Variants in LRRC8D observed in about 807,000 individuals in gnomAD.
The protein encoded by LRRC8D is leucine rich repeat containing 8 VRAC subunit D.
Under a neutral mutation model 55.8 loss-of-function variants are expected in LRRC8D, and 20 were observed. The ratio of observed to expected loss-of-function variants is 0.36; its 90% CI spans 0.25 to 0.52. The LOEUF is 0.52. LRRC8D is among the 20% of genes least tolerant of loss of function. The pLI, the probability that LRRC8D is intolerant of heterozygous loss-of-function variation, is 0.93. For synonymous variants in LRRC8D, 352 were observed against 377.0 expected (o/e 0.93, Z 0.77); for missense variants, 651 against 1,030.8 (o/e 0.63, Z 5.05).
At chr1:89,831,498 CT>C (rs1660885111) in intron 1 of LRRC8D, among the ~76,000 whole-genome samples, 1 of 151,890 alleles carries the variant, frequency 6.6e-6, no homozygotes, top group Non-Finnish European at 1.5e-5. Context: ...GTAAGAGCCA[CT>C]TGGAGTTGAG....
At chr1:89,843,393 G>C in intron 1 of LRRC8D, 1 of 318,786 alleles carries the variant, frequency 3.1e-6, no homozygotes, top group Admixed American at 5.1e-5. Flanking sequence ...GCGAGCGGGC[G>C]GGCGGGTGGC....
intron 1 of LRRC8D, among the ~76,000 whole-genome samples, chr1:89,822,641 T>C (rs1326709921): frequency 6.6e-6 from 1 of 152,150 alleles, no homozygotes; most frequent in Non-Finnish European, 1.5e-5. Context: ...TGATGAGGGC[T>C]GTCTACCTTA....
intron 2 of LRRC8D, among the ~76,000 whole-genome samples, chr1:89,902,392 T>C (rs1227256924): frequency 6.6e-6 from 1 of 152,224 alleles, no homozygotes; most frequent in Non-Finnish European, 1.5e-5. Flanking sequence ...ACTCAGGCAT[T>C]CTCTCTGTGT....
intron 2 of LRRC8D, among the ~76,000 whole-genome samples, chr1:89,893,980 TAA>T (rs1163639473): frequency 6.6e-6 from 1 of 152,254 alleles, no homozygotes; most frequent in Non-Finnish European, 1.5e-5. Context: ...TGTTATGGAC[TAA>T]GTGTTTATGT....
intron 2 of LRRC8D, among the ~76,000 whole-genome samples, chr1:89,855,107 C>T (rs575309211): frequency 1.7e-4 from 26 of 152,268 alleles, no homozygotes; most frequent in African/African-American, 6.3e-4. Flanking sequence ...TCATTTCTCA[C>T]TCTTTGTTAA....
chr1:89,935,456 G>A lies in LRRC8D; in HGVS notation c.2388G>A (p.Gln796=). 1.2e-6 allele frequency: 2 copies of A among 1,614,248 alleles called. No individual in the cohort carries two copies. The highest frequency in any genetic ancestry group is 1.7e-6 in the Non-Finnish European group (2 of 1,180,044). ...CCTCACTCCCAGAGAAAGTTGGTCA[G>A]CTCTCCCAGCTCACTCAGCTGGAGC... is the stretch of plus-strand genomic sequence containing the variant. The part of the protein sequence containing the change: ...CITSLPEKVG[Q]LSQLTQLELK... Residue 796 remains glutamine (Q), a synonymous_variant, in exon 3 of 3, where the codon CAG becomes CAA. Transcript: ENST00000337338.
At chr1:89,913,001 A>G (rs765608913) in intron 2 of LRRC8D, among the ~76,000 whole-genome samples, 4 of 152,244 alleles carry the variant, frequency 2.6e-5, no homozygotes, top group Non-Finnish European at 5.9e-5. Flanking sequence ...AGAACAGTCC[A>G]GATATGAGCA....
Position 89,863,893 on chromosome 1 carries a change from T to A in LRRC8D, c.-3+20111T>A, listed in dbSNP as rs938063063. On this transcript the variant is annotated intron_variant, in intron 2 of 2. Transcript: ENST00000337338. The stretch of plus-strand genomic sequence containing the variant: ...CCAGGGTTGTTTGTTCTTAGAAAAT[T>A]GTGAATTTGCATGGAGAGGTTTTAT... Among the ~76,000 whole-genome samples, 79 of 152,244 alleles carry A rather than the reference T, an allele frequency of 5.2e-4. 2 individuals are homozygous for A. Among genetic ancestry groups the A allele is most frequent in the Admixed American group, 4.9e-3 (75 of 15,286 alleles).
chr1:89,873,685 T>G (rs1030646262), intron 2 of LRRC8D, among the ~76,000 whole-genome samples: 1 of 152,236 alleles, frequency 6.6e-6, no homozygotes. Flanking sequence ...TGAATCAAAT[T>G]TATGGCATGT....
At chr1:89,889,860 G>A (rs564138229) in intron 2 of LRRC8D, among the ~76,000 whole-genome samples, 55 of 150,962 alleles carry the variant, frequency 3.6e-4, no homozygotes, top group Non-Finnish European at 1.0e-4. Context: ...TTCAGCCTGG[G>A]TAATAGAGTG....
chr1:89,919,116 C>G (rs1318228760), intron 2 of LRRC8D, among the ~76,000 whole-genome samples: 1 of 152,220 alleles, frequency 6.6e-6, no homozygotes, highest in African/African-American at 2.4e-5. Context: ...GCATTCATTT[C>G]TGGTCTTACT....
chr1:89,887,492 T>C (rs1443614107), intron 2 of LRRC8D, among the ~76,000 whole-genome samples: 1 of 152,194 alleles, frequency 6.6e-6, no homozygotes, highest in East Asian at 1.9e-4. Context: ...ATTGTCCTGG[T>C]AATAGTTTTT....
chr1:89,837,885 A>G (rs1418976956), intron 1 of LRRC8D, among the ~76,000 whole-genome samples: 1 of 152,212 alleles, frequency 6.6e-6, no homozygotes, highest in Admixed American at 6.5e-5. Context: ...TTCTTCGTGT[A>G]GACTCCATTA....
At chr1:89,892,664 G>A (rs1010117352) in intron 2 of LRRC8D, among the ~76,000 whole-genome samples, 3 of 152,068 alleles carry the variant, frequency 2.0e-5, no homozygotes, top group African/African-American at 2.4e-5. Context: ...GGCTATAGGC[G>A]CCCGCCAACA....
intron 1 of LRRC8D, among the ~76,000 whole-genome samples, chr1:89,835,238 G>T (rs1354506739): frequency 6.6e-6 from 1 of 152,188 alleles, no homozygotes; most frequent in Non-Finnish European, 1.5e-5. Flanking sequence ...GTGAGGGAAG[G>T]GTTCTAGAGG....
chr1:89,859,699 G>T (rs1570830118), intron 2 of LRRC8D, among the ~76,000 whole-genome samples: 1 of 152,132 alleles, frequency 6.6e-6, no homozygotes, highest in African/African-American at 2.4e-5. Context: ...TTTTCTACTT[G>T]CCTTTTCATC....
chr1:89,874,345 A>G (rs1369158583), intron 2 of LRRC8D, among the ~76,000 whole-genome samples: 1 of 151,908 alleles, frequency 6.6e-6, no homozygotes, highest in Non-Finnish European at 1.5e-5. Flanking sequence ...CTTCTTTGGA[A>G]CTCAGTTTTC....
At chr1:89,847,775 C>T (rs1440701644) in intron 2 of LRRC8D, among the ~76,000 whole-genome samples, 1 of 152,212 alleles carries the variant, frequency 6.6e-6, no homozygotes, top group African/African-American at 2.4e-5. Context: ...AACTGGTTCA[C>T]TGTTTTACTT....
intron 2 of LRRC8D, among the ~76,000 whole-genome samples, chr1:89,905,910 T>C (rs1050707129): frequency 2.0e-5 from 3 of 152,186 alleles, no homozygotes; most frequent in Admixed American, 6.5e-5. Context: ...GTAAGTGTCC[T>C]CTTACCTCAA....
Sources: allele counts gnomAD v4.1 joint callset (sites outside exome capture counted in the v4.1 genomes callset), GRCh38; gene constraint gnomAD v4.1.1; transcripts MANE v1.5; gene names NCBI Gene and HGNC (gene_info 2026-07-23, HGNC 2026-07-21).